SYN3: variants seen among roughly 807,000 people sequenced by gnomAD.
SYN3 encodes synapsin-3.
A neutral mutation model predicts 65.8 loss-of-function variants in SYN3; 35 were observed. The observed-to-expected ratio is 0.53, with a 90% confidence interval of 0.41 to 0.70. The LOEUF (loss-of-function observed/expected upper bound fraction) is 0.70. SYN3 is among the 30% of genes least tolerant of loss of function. SYN3 has a pLI of 0.00. For missense variants in SYN3, 680 were observed against 749.0 expected (o/e 0.91, Z 1.08); for synonymous variants, 270 against 292.9 (o/e 0.92, Z 0.80).
chr22:32,807,401 A>T (rs1365948422), intron 6 of SYN3, among the ~76,000 whole-genome samples: 5 of 123,576 alleles, frequency 4.0e-5, no homozygotes. Flanking sequence ...TATAATATAT[A>T]TATATTATAT....
At chr22:32,800,959 T>C (rs539035533) in intron 6 of SYN3, among the ~76,000 whole-genome samples, 2 of 152,342 alleles carry the variant, frequency 1.3e-5, no homozygotes, top group Admixed American at 6.5e-5. Flanking sequence ...GTTTTCTTCA[T>C]AGCCCTAGCA....
At chr22:32,668,362 C>T (rs2056783370) in intron 6 of SYN3, among the ~76,000 whole-genome samples, 1 of 151,194 alleles carries the variant, frequency 6.6e-6, no homozygotes, top group Admixed American at 6.6e-5. Context: ...ATTTCCACCC[C>T]CCCTTCCTTC....
chr22:33,048,303 T>G (rs1471365758), intron 1 of SYN3, among the ~76,000 whole-genome samples: 1 of 152,236 alleles, frequency 6.6e-6, no homozygotes, highest in East Asian at 1.9e-4. Flanking sequence ...TTTGGATGTT[T>G]GCCTTCTCCA....
intron 4 of SYN3, among the ~76,000 whole-genome samples, chr22:32,869,690 GTTT>G (rs748620876): frequency 1.5e-4 from 17 of 114,916 alleles, no homozygotes; most frequent in Admixed American, 2.1e-4. Flanking sequence ...ACACATCTTG[GTTT>G]TTTTTTTTTT....
At chr22:32,527,848 T>A in intron 12 of SYN3, 70 bp downstream of exon 12, 1 of 1,331,162 alleles carries the variant, frequency 7.5e-7, no homozygotes, top group East Asian at 2.5e-5. Context: ...GGGAATCACA[T>A]GTGGATCCCT....
chr22:33,052,130 G>T (rs2054177508), intron 1 of SYN3, among the ~76,000 whole-genome samples: 1 of 152,160 alleles, frequency 6.6e-6, no homozygotes, highest in South Asian at 2.1e-4. Flanking sequence ...ACTGGCTTGA[G>T]CTTGCACCTG....
intron 8 of SYN3, 79 bp from the exon 9 acceptor site, chr22:32,538,189 T>C (rs1251526388): frequency 7.7e-7 from 1 of 1,302,742 alleles, no homozygotes; most frequent in African/African-American, 1.5e-5. Flanking sequence ...CTTTGGCTGT[T>C]AGGAGGCTCT....
At chr22:32,559,974 CCTT>C (rs2058563106) in intron 7 of SYN3, among the ~76,000 whole-genome samples, 1 of 152,182 alleles carries the variant, frequency 6.6e-6, no homozygotes, top group East Asian at 1.9e-4. Context: ...TGGTATATGA[CCTT>C]CTTCTAGGAA....
chr22:33,056,311 C>T (rs2054252615), intron 1 of SYN3, among the ~76,000 whole-genome samples: 1 of 152,164 alleles, frequency 6.6e-6, no homozygotes, highest in Non-Finnish European at 1.5e-5. Flanking sequence ...GCACCAGGCA[C>T]AGTACAAAGC....
intron 6 of SYN3, among the ~76,000 whole-genome samples, chr22:32,814,358 A>AAAGAAAGGAAGAAAGG (rs2047032642): frequency 1.1e-5 from 1 of 92,390 alleles, no homozygotes; most frequent in Non-Finnish European, 2.3e-5. Flanking sequence ...AGAGAGAAAG[A>AAAGAAAGGAAGAAAGG]AAGAAAGAAA....
chr22:32,515,156 C>T (rs545126014), intron 13 of SYN3, among the ~76,000 whole-genome samples: 1 of 152,212 alleles, frequency 6.6e-6, no homozygotes, highest in East Asian at 1.9e-4. Flanking sequence ...TGAATTGAAC[C>T]AAGTTCTTTA....
At chr22:32,706,603 A>G (rs922699513) in intron 6 of SYN3, among the ~76,000 whole-genome samples, 1 of 152,072 alleles carries the variant, frequency 6.6e-6, no homozygotes, top group South Asian at 2.1e-4. Context: ...AAGGTGTAGA[A>G]AAAGGGAGAC....
intron 4 of SYN3, among the ~76,000 whole-genome samples, chr22:32,920,174 A>G (rs2050300111): frequency 6.6e-6 from 1 of 152,194 alleles, no homozygotes; most frequent in Admixed American, 6.5e-5. Context: ...ACGGGTGCCT[A>G]TAATTTAGTG....
chr22:32,960,066 G>A (rs1243821679), intron 3 of SYN3, among the ~76,000 whole-genome samples: 1 of 152,212 alleles, frequency 6.6e-6, no homozygotes, highest in Non-Finnish European at 1.5e-5. Context: ...GTGTGCTGAG[G>A]CTTTGGAGTT....
At chr22:32,643,549 T>TGGGGGGGGGG (rs34967500) in intron 6 of SYN3, among the ~76,000 whole-genome samples, 1 of 4,522 alleles carries the variant, frequency 2.2e-4, no homozygotes, top group Non-Finnish European at 4.3e-4. Context: ...TTAGAAATGG[T>TGGGGGGGGGG]GGGGGGGCGG....
In SYN3 at chr22:32,967,965, T is replaced by C. The variant is rs142481949; in HGVS notation, c.369+12680A>G. Among the ~76,000 whole-genome samples the C allele has an allele frequency of 3.6e-3, 552 of 152,034 alleles. 3 individuals are homozygous for C. Among genetic ancestry groups the C allele is most frequent in the African/African-American group, 0.013 (528 of 41,456 alleles). On this transcript the variant is annotated intron_variant, in intron 3 of 13. Coordinates refer to ENST00000358763, the MANE Select transcript of SYN3 (RefSeq NM_003490.4). ...GGGCAGTAGCGCATGGGGAGGGAGA[T>C]CATCAACAGATGAAGGAATCACAAG...
chr22:32,601,182 G>A (rs764112425), intron 6 of SYN3, among the ~76,000 whole-genome samples: 4 of 152,112 alleles, frequency 2.6e-5, no homozygotes, highest in Non-Finnish European at 5.9e-5. Flanking sequence ...ATCTGAGAAT[G>A]TTTAAGTAAG....
At chr22:32,865,240 T>G (rs1374575100) in intron 5 of SYN3, among the ~76,000 whole-genome samples, 1 of 152,244 alleles carries the variant, frequency 6.6e-6, no homozygotes, top group Admixed American at 6.5e-5. Context: ...GGCAGAACAC[T>G]GGGTTCAGCC....
intron 3 of SYN3, among the ~76,000 whole-genome samples, chr22:32,945,159 A>G (rs1214008394): frequency 2.0e-5 from 3 of 152,170 alleles, no homozygotes; most frequent in African/African-American, 7.2e-5. Context: ...TTAAGCTACC[A>G]ATGACTTTCT....
Sources: allele counts gnomAD v4.1 joint callset (sites outside exome capture counted in the v4.1 genomes callset), GRCh38; gene constraint gnomAD v4.1.1; transcripts MANE v1.5; gene names NCBI Gene and HGNC (gene_info 2026-07-23, HGNC 2026-07-21).